Variants in TRAK2 observed in about 807,000 individuals in gnomAD.
The protein encoded by TRAK2 is trafficking kinesin protein 2.
A neutral mutation model predicts 104.6 loss-of-function variants in TRAK2; 81 were observed. The ratio of observed to expected loss-of-function variants is 0.77; its 90% CI spans 0.65 to 0.93. The LOEUF (loss-of-function observed/expected upper bound fraction) is 0.93, where lower values mean the gene tolerates loss of function less well. TRAK2 is among the 40% of genes least tolerant of loss of function. TRAK2 has a pLI of 0.00. For missense variants in TRAK2, 1,002 were observed against 1,089.0 expected (o/e 0.92, Z 1.12); for synonymous variants, 406 against 394.4 (o/e 1.03, Z -0.35).
chr2:201,401,383 G>T (rs905794635), intron 3 of TRAK2, among the ~76,000 whole-genome samples: 1 of 152,090 alleles, frequency 6.6e-6, no homozygotes, highest in African/African-American at 2.4e-5. Flanking sequence ...AAGACAGGAA[G>T]TTTGGCCACT....
intron 1 of TRAK2, 75 bp from the exon 2 acceptor site, chr2:201,420,781 A>G (rs1951734137): frequency 6.7e-6 from 2 of 297,040 alleles, no homozygotes; most frequent in Admixed American, 9.5e-5. Context: ...CAAAATGTCC[A>G]TCATGAAAAA....
rs548771199 is a variant in TRAK2, at chr2:201,437,914, A to G, written c.-200+13436T>C. 3.0e-4 allele frequency among the ~76,000 whole-genome samples: 45 copies of G among 152,360 alleles called. 1 individual carries two copies. Among genetic ancestry groups the G allele is most frequent in the Non-Finnish European group, 6.0e-4 (41 of 68,028 alleles). ...GCAGACTTTCTTATAAGGGAAAAAT[A>G]TACTAACTCTATGGGGACCCAAATA... On this transcript the variant is annotated intron_variant, in intron 1 of 15. Coordinates refer to ENST00000332624, the MANE Select transcript of TRAK2 (RefSeq NM_015049.3).
chr2:201,425,725 T>TAAA (rs1553623673), intron 1 of TRAK2, among the ~76,000 whole-genome samples: 4 of 94,026 alleles, frequency 4.3e-5, no homozygotes, highest in Non-Finnish European at 1.1e-4. Flanking sequence ...TTTTTTTTTT[T>TAAA]AAATAATGTT....
Position 201,379,866 on chromosome 2 carries a change from A to G in TRAK2, c.*677T>C, listed in dbSNP as rs1951322688. On this transcript the variant is annotated 3_prime_UTR_variant, in exon 16 of 16. Coordinates refer to ENST00000332624, the MANE Select transcript of TRAK2 (RefSeq NM_015049.3). Reference sequence around the variant, plus strand: ...ATACAAATTTAAAAAATGAACTTTTATTAATCATAAATACAAAATAATTGA... The same window carrying G: ...ATACAAATTTAAAAAATGAACTTTTGTTAATCATAAATACAAAATAATTGA... 6.7e-6 allele frequency: 1 copy of G among 149,856 alleles called. No individual in the cohort carries two copies. 9.3% of individuals were successfully genotyped at this position (149,856 alleles called of 1,614,324 possible). A position where few individuals can be genotyped will look rare whatever the true frequency, so the allele number is the denominator to read the frequency against.
chr2:201,396,892 T>C (rs556010001), intron 7 of TRAK2, among the ~76,000 whole-genome samples: 116 of 152,270 alleles, frequency 7.6e-4, no homozygotes, highest in Non-Finnish European at 1.3e-3. Flanking sequence ...TCTGGAATGT[T>C]TGATTTAATA....
At chr2:201,408,595 A>G (rs1271356032) in intron 2 of TRAK2, among the ~76,000 whole-genome samples, 1 of 152,196 alleles carries the variant, frequency 6.6e-6, no homozygotes, top group Non-Finnish European at 1.5e-5. Flanking sequence ...AGTACGGTTT[A>G]AAAGAGGTCT....
rs1184592767 is a variant in TRAK2 at position 201,380,553 on chromosome 2, T to A, written c.2735A>T (p.Lys912Met). The A allele has an allele frequency of 6.2e-7, 1 of 1,613,468 alleles. No individual in the cohort carries two copies. Among genetic ancestry groups the A allele is most frequent in the African/African-American group, 1.3e-5 (1 of 74,900 alleles). ...GTTAACTGCTGAACCTCAGTCCTCC[T>A]TCAGGACACCCATTTTGGGTGAGGA... The part of the protein sequence containing the change: ...CTSSPKMGVL[K>M]ED Residue 912 changes from lysine (K) to methionine (M), a missense_variant, in exon 16 of 16, where the codon AAG (lysine) becomes ATG (methionine). Physicochemically the swap from Lys to Met is moderately conservative, Grantham distance 95. Transcript: ENST00000332624.
intron 8 of TRAK2, 131 bp from the exon 9 acceptor site, chr2:201,395,003 A>G: frequency 1.3e-6 from 1 of 796,746 alleles, no homozygotes; most frequent in Middle Eastern, 3.4e-4. Context: ...TAACCTTTCA[A>G]AAGCTAAATA....
In TRAK2 at chr2:201,407,429, A is replaced by C; in HGVS notation, c.260T>G (p.Leu87Arg). The C allele has an allele frequency of 6.2e-7, 1 of 1,613,680 alleles. No homozygotes were observed. Among genetic ancestry groups the C allele is most frequent in the Non-Finnish European group, 8.5e-7 (1 of 1,179,802 alleles). The change falls in exon 3 of 16, where the codon CTT becomes CGT. Residue 87 changes from leucine to arginine, a missense_variant. Coordinates refer to ENST00000332624, the MANE Select transcript of TRAK2 (RefSeq NM_015049.3). ...CATGTAACGGAAAGTCTCTTCAGCA[A>C]GGACTGGAGAGAGAGCATCAGATGC... ...QHASDALSPV[L>R]AEETFRYMIL...
intron 2 of TRAK2, among the ~76,000 whole-genome samples, chr2:201,417,346 C>G (rs372828927): frequency 1.3e-5 from 2 of 151,140 alleles, no homozygotes; most frequent in Admixed American, 6.6e-5. Context: ...TATACACACA[C>G]TCCCTAACAA....
chr2:201,385,252 T>C (rs956782714), intron 14 of TRAK2, among the ~76,000 whole-genome samples: 3 of 152,222 alleles, frequency 2.0e-5, no homozygotes, highest in African/African-American at 4.8e-5. Flanking sequence ...CAATCAACAT[T>C]TTCTAAATGA....
At chr2:201,430,653 G>A (rs1951834347) in intron 1 of TRAK2, among the ~76,000 whole-genome samples, 2 of 152,240 alleles carry the variant, frequency 1.3e-5, no homozygotes, top group Admixed American at 6.5e-5. Context: ...ATGTCCTGGT[G>A]TGCCCTTTGC....
intron 2 of TRAK2, among the ~76,000 whole-genome samples, chr2:201,410,020 G>A (rs1169413013): frequency 2.0e-5 from 3 of 152,208 alleles, no homozygotes; most frequent in Non-Finnish European, 4.4e-5. Context: ...AAGAGGGGCC[G>A]GGCGCGGTGG....
chr2:201,412,423 G>A, intron 2 of TRAK2: 1 of 1,284,492 alleles, frequency 7.8e-7, no homozygotes, highest in Non-Finnish European at 1.1e-6. Flanking sequence ...AACTTCCTCA[G>A]GTATATTTAT....
In TRAK2 at chr2:201,395,462, T is replaced by A. The variant is rs745541759; in HGVS notation, c.770-18A>T. The A allele has an allele frequency of 6.3e-5, 94 of 1,497,272 alleles. No homozygotes were observed. The highest frequency in any genetic ancestry group is 2.1e-4 in the East Asian group (9 of 43,536). 92.7% of individuals were successfully genotyped at this position (1,497,272 alleles called of 1,614,324 possible). ...TGTTTCACCTTGGAAGCAAAAAAAA[T>A]TTTTTTAAATTAATACAAATGTAGA... On this transcript the variant is annotated intron_variant, in intron 7 of 15. Coordinates refer to ENST00000332624, the MANE Select transcript of TRAK2 (RefSeq NM_015049.3).
chr2:201,418,067 T>C (rs958285695), intron 2 of TRAK2, among the ~76,000 whole-genome samples: 2 of 152,202 alleles, frequency 1.3e-5, no homozygotes, highest in African/African-American at 2.4e-5. Flanking sequence ...AATGGAGATA[T>C]ATATCAAGTT....
At chr2:201,389,728 C>G in intron 11 of TRAK2, 73 bp downstream of exon 11, 1 of 1,362,314 alleles carries the variant, frequency 7.3e-7, no homozygotes, top group South Asian at 1.3e-5. Context: ...GTAATACTTG[C>G]CACTTTGGAT....
intron 14 of TRAK2, 136 bp downstream of exon 14, chr2:201,386,082 G>A: frequency 1.1e-6 from 1 of 915,770 alleles, no homozygotes. Context: ...TGCCACTAAT[G>A]CTATAGATTT....
intron 1 of TRAK2, among the ~76,000 whole-genome samples, chr2:201,448,323 T>C (rs1951981582): frequency 6.6e-6 from 1 of 152,200 alleles, no homozygotes; most frequent in African/African-American, 2.4e-5. Context: ...TACATGACCT[T>C]TGGTATATTT....
Sources: gnomAD v4.1 joint callset for allele counts (sites outside exome capture counted in the v4.1 genomes callset) on GRCh38, gnomAD v4.1.1 for gene constraint, MANE v1.5 for transcripts, NCBI Gene and HGNC (gene_info 2026-07-23, HGNC 2026-07-21) for gene names.